Variants in WDR7 observed in about 807,000 individuals in gnomAD.
WDR7 encodes WD repeat-containing protein 7.
WDR7 carries 46 observed loss-of-function variants against 169.4 expected under a neutral mutation model. The observed-to-expected ratio is 0.27, with a 90% confidence interval of 0.21 to 0.35. The LOEUF is 0.35. WDR7 is among the 10% of genes least tolerant of loss of function. WDR7 has a pLI of 1.00. For missense variants in WDR7, 1,534 were observed against 1,859.3 expected (o/e 0.83, Z 3.22); for synonymous variants, 612 against 666.8 (o/e 0.92, Z 1.27).
chr18:56,693,077 A>T (rs1348029953), intron 9 of WDR7, among the ~76,000 whole-genome samples: 1 of 152,178 alleles, frequency 6.6e-6, no homozygotes, highest in Non-Finnish European at 1.5e-5. Flanking sequence ...AAGCAAAAAA[A>T]ATTCAGTAAG....
chr18:56,678,311 C>T (rs1171132347), intron 2 of WDR7, among the ~76,000 whole-genome samples: 1 of 152,080 alleles, frequency 6.6e-6, no homozygotes, highest in African/African-American at 2.4e-5. Flanking sequence ...TTGTGTTTTC[C>T]TGGATGGTCT....
chr18:56,856,786 A>G (rs990228970), intron 20 of WDR7, among the ~76,000 whole-genome samples: 9 of 152,240 alleles, frequency 5.9e-5, no homozygotes, highest in Middle Eastern at 3.4e-3. Context: ...AGTGTATGTA[A>G]TGCCATTTTA....
intron 20 of WDR7, among the ~76,000 whole-genome samples, chr18:56,833,227 GA>G (rs2045343805): frequency 1.3e-5 from 2 of 151,850 alleles, no homozygotes. Context: ...TCAAGCGGAA[GA>G]AGGCATGTCA....
intron 26 of WDR7, among the ~76,000 whole-genome samples, chr18:56,976,031 C>G (rs1189859186): frequency 1.3e-5 from 2 of 152,200 alleles, no homozygotes; most frequent in South Asian, 2.1e-4. Flanking sequence ...GCAACAAAAT[C>G]AGACCTTCAA....
At chr18:56,669,785 T>A (rs143539024) in intron 1 of WDR7, among the ~76,000 whole-genome samples, 10 of 152,254 alleles carry the variant, frequency 6.6e-5, no homozygotes, top group African/African-American at 2.2e-4. Context: ...TAATTTTTTT[T>A]ATCCCAATAA....
chr18:56,899,052 T>C (rs2046367701), intron 21 of WDR7, among the ~76,000 whole-genome samples: 1 of 152,118 alleles, frequency 6.6e-6, no homozygotes, highest in Non-Finnish European at 1.5e-5. Flanking sequence ...TAATACTATA[T>C]TTCAAAGTAG....
At chr18:56,951,217 C>T (rs2047176692) in intron 25 of WDR7, among the ~76,000 whole-genome samples, 1 of 152,040 alleles carries the variant, frequency 6.6e-6, no homozygotes, top group Admixed American at 6.5e-5. Flanking sequence ...CTTGTTTATC[C>T]TTTTTTTACT....
At chr18:56,798,219 G>A (rs79214606) in intron 19 of WDR7, among the ~76,000 whole-genome samples, 2,107 of 152,192 alleles carry the variant, frequency 0.014, 49 homozygotes, top group African/African-American at 0.048. Context: ...CTTTGGTAGG[G>A]CAGCACATTT....
At chr18:56,858,737 A>G (rs904197312) in intron 20 of WDR7, among the ~76,000 whole-genome samples, 9 of 152,146 alleles carry the variant, frequency 5.9e-5, no homozygotes, top group African/African-American at 2.2e-4. Context: ...GGCTTGATTC[A>G]TTAATTCAAC....
chr18:56,689,789 AC>A (rs951429981), intron 7 of WDR7, among the ~76,000 whole-genome samples: 3 of 141,834 alleles, frequency 2.1e-5, no homozygotes, highest in African/African-American at 7.5e-5. Context: ...ATGAATTAAT[AC>A]TATATTGTTC....
At chr18:56,672,762 C>A in intron 2 of WDR7, 88 bp downstream of exon 2, 1 of 1,248,146 alleles carries the variant, frequency 8.0e-7, no homozygotes, top group Non-Finnish European at 1.1e-6. Flanking sequence ...TGCTTTTGGG[C>A]CCACAGTAGA....
At chr18:56,725,951 G>T (rs1467873313) in intron 13 of WDR7, among the ~76,000 whole-genome samples, 1 of 152,214 alleles carries the variant, frequency 6.6e-6, no homozygotes, top group Non-Finnish European at 1.5e-5. Context: ...GTTTGTCAAA[G>T]ATCAAATAGT....
chr18:56,662,465 A>G (rs1319993216), intron 1 of WDR7, among the ~76,000 whole-genome samples: 1 of 152,254 alleles, frequency 6.6e-6, no homozygotes, highest in Non-Finnish European at 1.5e-5. Context: ...TTCAAAAGGA[A>G]AAACAAAAAC....
At chr18:57,001,954 G>A (rs1317205013) in intron 26 of WDR7, among the ~76,000 whole-genome samples, 1 of 152,056 alleles carries the variant, frequency 6.6e-6, no homozygotes, top group Non-Finnish European at 1.5e-5. Context: ...CACTGGAACC[G>A]AAATTCTTTA....
At chr18:56,853,505 G>C (rs570296547) in intron 20 of WDR7, among the ~76,000 whole-genome samples, 1 of 152,084 alleles carries the variant, frequency 6.6e-6, no homozygotes, top group Admixed American at 6.5e-5. Context: ...TAAAGGTCTT[G>C]TTTTATTTTC....
intron 6 of WDR7, among the ~76,000 whole-genome samples, chr18:56,686,347 A>G (rs1386197641): frequency 1.3e-5 from 2 of 152,156 alleles, no homozygotes; most frequent in Non-Finnish European, 2.9e-5. Context: ...CTCAAAGGAA[A>G]AAAAAATAAA....
At chr18:56,921,564 C>T (rs2046720828) in intron 21 of WDR7, among the ~76,000 whole-genome samples, 1 of 152,170 alleles carries the variant, frequency 6.6e-6, no homozygotes, top group Admixed American at 6.5e-5. Context: ...GTGTTTTCTG[C>T]TGAGCCACAC....
At chr18:56,714,210 A>G (rs2026143103) in intron 12 of WDR7, among the ~76,000 whole-genome samples, 1 of 152,132 alleles carries the variant, frequency 6.6e-6, no homozygotes, top group Admixed American at 6.6e-5. Context: ...GAAAGAAGAA[A>G]AATTAGATTT....
At chr18:56,763,237 C>T (rs186631966) in intron 16 of WDR7, among the ~76,000 whole-genome samples, 528 of 152,232 alleles carry the variant, frequency 3.5e-3, no homozygotes, top group Non-Finnish European at 5.2e-3. Flanking sequence ...TGAGCCACCA[C>T]GCCTGGCCTT....
Sources: allele counts gnomAD v4.1 joint callset (sites outside exome capture counted in the v4.1 genomes callset), GRCh38; gene constraint gnomAD v4.1.1; transcripts MANE v1.5; gene names NCBI Gene and HGNC (gene_info 2026-07-23, HGNC 2026-07-21).